Variants in KCNE1 observed in about 807,000 individuals in gnomAD.
KCNE1 encodes the protein potassium voltage-gated channel subfamily E regulatory subunit 1, also known as potassium voltage-gated channel subfamily E member 1.
Under a neutral mutation model 2.9 loss-of-function variants are expected in KCNE1, and 1 was observed. The ratio of observed to expected loss-of-function variants is 0.34; its 90% CI spans 0.12 to 1.62. The LOEUF (loss-of-function observed/expected upper bound fraction) is 1.62, where lower values mean the gene tolerates loss of function less well. Ranked by LOEUF, KCNE1 falls within the 40% of genes most tolerant of loss-of-function variation. KCNE1 has a pLI of 0.36. For missense variants in KCNE1, 45 were observed against 150.5 expected (o/e 0.30, Z 3.67); for synonymous variants, 23 against 65.4 (o/e 0.35, Z 3.13).
At chr21:34,503,647 A>C (rs1006060261) in intron 2 of KCNE1, among the ~76,000 whole-genome samples, 2 of 152,194 alleles carry the variant, frequency 1.3e-5, no homozygotes, top group Non-Finnish European at 2.9e-5. Flanking sequence ...ATTAGCATAC[A>C]AAAGACACTC....
intron 2 of KCNE1, among the ~76,000 whole-genome samples, chr21:34,499,352 C>T (rs1431421217): frequency 6.6e-6 from 1 of 152,226 alleles, no homozygotes; most frequent in African/African-American, 2.4e-5. Flanking sequence ...CGGGCCTTGC[C>T]CTTCCCTGTC....
intron 2 of KCNE1, among the ~76,000 whole-genome samples, chr21:34,504,781 T>G (rs1017126442): frequency 2.6e-5 from 4 of 152,206 alleles, no homozygotes; most frequent in Non-Finnish European, 5.9e-5. Flanking sequence ...TTAGGCTAAG[T>G]GAAAGAAGCC....
chr21:34,509,225 C>T (rs1306382976), intron 2 of KCNE1, among the ~76,000 whole-genome samples: 9 of 152,226 alleles, frequency 5.9e-5, no homozygotes, highest in Non-Finnish European at 1.3e-4. Context: ...TTGGTAGAAT[C>T]CATTTCCTTG....
intron 2 of KCNE1, among the ~76,000 whole-genome samples, chr21:34,507,605 A>G (rs1276953648): frequency 6.6e-6 from 1 of 152,212 alleles, no homozygotes; most frequent in African/African-American, 2.4e-5. Context: ...GGGACGGGGT[A>G]CCCCAGAATG....
intron 2 of KCNE1, among the ~76,000 whole-genome samples, chr21:34,496,342 G>A (rs547241082): frequency 1.3e-5 from 2 of 152,108 alleles, no homozygotes; most frequent in African/African-American, 4.8e-5. Context: ...CAAAGTGCTG[G>A]GATTACAGGA....
chr21:34,503,482 A>T (rs1197838712), intron 2 of KCNE1, among the ~76,000 whole-genome samples: 2 of 152,136 alleles, frequency 1.3e-5, no homozygotes, highest in African/African-American at 2.4e-5. Context: ...TGACTACATC[A>T]TGGGCCATTG....
Position 34,449,592 on chromosome 21 carries a change from T to C in KCNE1, c.43A>G (p.Lys15Glu). The change falls in exon 4 of 4, where the codon AAG becomes GAG. Residue 15 changes from lysine to glutamate, a missense_variant. Physicochemically the swap from Lys to Glu is moderately conservative, Grantham distance 56 (BLOSUM62 1). Coordinates refer to ENST00000399286, the MANE Select transcript of KCNE1 (RefSeq NM_000219.6). ...TGCTGAACTGTCTCCTGCCACAGCT[T>C]GGTCAGAAAGGGCGTCACCGCTGTG... ...NTTAVTPFLT[K>E]LWQETVQQGG... The C allele has an allele frequency of 2.1e-6, 2 of 973,584 alleles. No individual in the cohort carries two copies. The highest frequency in any genetic ancestry group is 3.0e-6 in the Non-Finnish European group (2 of 669,660). The allele number at this position is 973,584 out of a possible 1,614,324, so 60.3% of individuals were successfully genotyped here. A position where few individuals can be genotyped will look rare whatever the true frequency, so the allele number is the denominator to read the frequency against.
intron 2 of KCNE1, among the ~76,000 whole-genome samples, chr21:34,509,206 C>T (rs924131328): frequency 6.6e-6 from 1 of 152,218 alleles, no homozygotes; most frequent in Non-Finnish European, 1.5e-5. Flanking sequence ...CACCAGAGCA[C>T]ATGTAGTGTT....
intron 2 of KCNE1, among the ~76,000 whole-genome samples, chr21:34,508,769 GC>G (rs1983659190): frequency 6.6e-6 from 1 of 152,212 alleles, no homozygotes; most frequent in African/African-American, 2.4e-5. Context: ...ATGCAATACA[GC>G]TAGAGTCCCT....
intron 2 of KCNE1, among the ~76,000 whole-genome samples, chr21:34,509,034 C>T (rs1394357543): frequency 1.3e-5 from 2 of 152,234 alleles, no homozygotes; most frequent in East Asian, 3.8e-4. Context: ...ACAAATTCAT[C>T]ACCTTGGTTT....
chr21:34,507,774 G>T (rs727957), intron 2 of KCNE1, among the ~76,000 whole-genome samples: 19,822 of 152,194 alleles, frequency 0.13, 1,663 homozygotes, highest in Non-Finnish European at 0.19. Context: ...ACCGTGGCAT[G>T]CTTCTGCAAA....
intron 1 of KCNE1, among the ~76,000 whole-genome samples, chr21:34,511,691 G>T: frequency 6.6e-6 from 1 of 152,242 alleles, no homozygotes. Context: ...TGCATGTGAG[G>T]CCCGGACGTC....
At chr21:34,511,856 GT>G (rs1983850187) in intron 1 of KCNE1, among the ~76,000 whole-genome samples, 170 bp downstream of exon 1, 1 of 152,236 alleles carries the variant, frequency 6.6e-6, no homozygotes, top group Non-Finnish European at 1.5e-5. Flanking sequence ...TGCTTCTGCA[GT>G]TGGAAGAAGT....
chr21:34,511,352 C>G (rs1185293352), intron 1 of KCNE1, 37 bp from the exon 2 acceptor site: 3 of 976,408 alleles, frequency 3.1e-6, no homozygotes, highest in African/African-American at 1.8e-5. Context: ...AACTTAATCC[C>G]CAAAGCAACA....
At chr21:34,508,324 G>A (rs1601107114) in intron 2 of KCNE1, among the ~76,000 whole-genome samples, 1 of 151,686 alleles carries the variant, frequency 6.6e-6, no homozygotes, top group East Asian at 1.9e-4. Context: ...CACTGCACTG[G>A]CTGGGTTTTA....
chr21:34,509,841 C>T (rs1405372321), intron 2 of KCNE1: 1 of 152,064 alleles, frequency 6.6e-6, no homozygotes, highest in East Asian at 1.9e-4. Context: ...GTTTGTTGTA[C>T]AGATTATTTC....
intron 2 of KCNE1, among the ~76,000 whole-genome samples, chr21:34,498,988 C>T (rs747915457): frequency 2.0e-5 from 3 of 152,138 alleles, no homozygotes; most frequent in Admixed American, 6.5e-5. Context: ...GATCAACTAC[C>T]AGGGCAGGTA....
chr21:34,504,155 C>T (rs1030771353), intron 2 of KCNE1, among the ~76,000 whole-genome samples: 2 of 152,198 alleles, frequency 1.3e-5, no homozygotes, highest in Non-Finnish European at 2.9e-5. Flanking sequence ...GAAAGGACAA[C>T]CACTCCGTCG....
chr21:34,497,926 T>G (rs998964638), intron 2 of KCNE1, among the ~76,000 whole-genome samples: 1 of 152,096 alleles, frequency 6.6e-6, no homozygotes, highest in Non-Finnish European at 1.5e-5. Flanking sequence ...CATTCAAAAG[T>G]CTTGCCTTCG....
Sources: gnomAD v4.1 joint callset for allele counts (sites outside exome capture counted in the v4.1 genomes callset) on GRCh38, gnomAD v4.1.1 for gene constraint, MANE v1.5 for transcripts, NCBI Gene and HGNC (gene_info 2026-07-23, HGNC 2026-07-21) for gene names.